SYT1: variants seen among roughly 807,000 people sequenced by gnomAD.
SYT1 encodes synaptotagmin 1.
SYT1 carries 8 observed loss-of-function variants against 44.8 expected under a neutral mutation model. That is an observed-to-expected ratio of 0.18 (90% CI 0.10 to 0.32). The LOEUF (loss-of-function observed/expected upper bound fraction) is 0.32, where lower values mean the gene tolerates loss of function less well. Ranked by LOEUF, SYT1 falls within the 10% of genes least tolerant of loss-of-function variation. The pLI is 1.00. For missense variants in SYT1, 286 were observed against 509.3 expected, an observed-to-expected ratio of 0.56 and a Z score of 4.22; for synonymous variants, 154 against 188.8, an observed-to-expected ratio of 0.82 and a Z score of 1.51.
intron 1 of SYT1, among the ~76,000 whole-genome samples, chr12:78,897,586 G>C (rs1565707424): frequency 6.6e-6 from 1 of 151,938 alleles, no homozygotes; most frequent in Non-Finnish European, 1.5e-5. Flanking sequence ...GTTTCACACT[G>C]ATACAAATTA....
Position 78,889,256 on chromosome 12 carries a change from G to A in SYT1, c.-217+24147G>A, listed in dbSNP as rs1006210031. Among the ~76,000 whole-genome samples the A allele has an allele frequency of 3.7e-4, 56 of 151,996 alleles. 1 individual carries two copies. Among genetic ancestry groups the A allele is most frequent in the African/African-American group, 1.3e-3 (55 of 41,492 alleles). On this transcript the variant is annotated intron_variant, in intron 1 of 10. Coordinates refer to ENST00000261205, the MANE Select transcript of SYT1 (RefSeq NM_005639.3). ...TCTGAAATTTTATACAAAATGTGGT[G>A]TATACATTTGCATATGCATTTTTCT...
chr12:79,230,311 T>C (rs1875795650), intron 4 of SYT1, among the ~76,000 whole-genome samples: 1 of 152,200 alleles, frequency 6.6e-6, no homozygotes, highest in Admixed American at 6.5e-5. Flanking sequence ...AAACATGCTT[T>C]TTAGTATTAC....
intron 3 of SYT1, among the ~76,000 whole-genome samples, chr12:79,203,651 C>G (rs1396010230): frequency 6.6e-6 from 1 of 152,066 alleles, no homozygotes; most frequent in East Asian, 1.9e-4. Flanking sequence ...GGGGTTTTAT[C>G]TTAAATTGAA....
intron 3 of SYT1, among the ~76,000 whole-genome samples, chr12:79,111,930 T>G (rs770145847): frequency 3.5e-4 from 54 of 152,154 alleles, no homozygotes; most frequent in Admixed American, 5.9e-4. Flanking sequence ...AACTTTTCAT[T>G]TCAACTTAAC....
chr12:79,087,339 A>T (rs1877452459), intron 3 of SYT1, among the ~76,000 whole-genome samples: 1 of 152,164 alleles, frequency 6.6e-6, no homozygotes, highest in African/African-American at 2.4e-5. Context: ...TAATCTAAAT[A>T]GGACATTTAT....
intron 1 of SYT1, among the ~76,000 whole-genome samples, chr12:78,924,731 C>G (rs1484727086): frequency 6.6e-6 from 1 of 150,528 alleles, no homozygotes; most frequent in African/African-American, 2.4e-5. Flanking sequence ...CTCCTTCAAG[C>G]TAGCTTCTAC....
At chr12:79,403,383 A>G (rs1885137013) in intron 9 of SYT1, among the ~76,000 whole-genome samples, 1 of 152,200 alleles carries the variant, frequency 6.6e-6, no homozygotes, top group South Asian at 2.1e-4. Context: ...CTGGAGACCC[A>G]GGAAATACTT....
intron 3 of SYT1, among the ~76,000 whole-genome samples, chr12:79,149,965 G>A (rs1433310599): frequency 2.0e-5 from 3 of 152,068 alleles, no homozygotes; most frequent in Non-Finnish European, 4.4e-5. Flanking sequence ...ATGAATGAAA[G>A]GTCTGAAACG....
intron 1 of SYT1, among the ~76,000 whole-genome samples, chr12:78,923,670 C>G (rs1406059927): frequency 1.3e-5 from 2 of 151,594 alleles, no homozygotes; most frequent in Non-Finnish European, 2.9e-5. Context: ...TTTCTGAACT[C>G]TCTCTCCACC....
At chr12:79,181,905 A>G (rs768581052) in intron 3 of SYT1, among the ~76,000 whole-genome samples, 31 of 151,748 alleles carry the variant, frequency 2.0e-4, no homozygotes, top group Non-Finnish European at 5.9e-5. Flanking sequence ...CTCCTAGACA[A>G]CCCCACCCCT....
At chr12:79,015,957 G>C (rs1326696794) in intron 2 of SYT1, among the ~76,000 whole-genome samples, 1 of 152,128 alleles carries the variant, frequency 6.6e-6, no homozygotes, top group African/African-American at 2.4e-5. Flanking sequence ...TGAAAACAAA[G>C]TGTAATGAGC....
At chr12:79,255,112 C>G (rs1173965160) in intron 4 of SYT1, among the ~76,000 whole-genome samples, 2 of 152,138 alleles carry the variant, frequency 1.3e-5, no homozygotes, top group Non-Finnish European at 2.9e-5. Flanking sequence ...CAAACAGTAT[C>G]ACAGGCTGCA....
At chr12:79,094,399 T>A (rs990961661) in intron 3 of SYT1, among the ~76,000 whole-genome samples, 8 of 151,900 alleles carry the variant, frequency 5.3e-5, no homozygotes, top group African/African-American at 1.9e-4. Flanking sequence ...ATTTAATTCA[T>A]AAGAACAAAT....
chr12:79,250,467 A>T (rs762630533), intron 4 of SYT1, among the ~76,000 whole-genome samples: 5 of 152,210 alleles, frequency 3.3e-5, no homozygotes, highest in Non-Finnish European at 7.3e-5. Context: ...ACCACTTAAA[A>T]TATTTCAAAT....
At chr12:79,290,028 T>A (rs958698924) in intron 5 of SYT1, among the ~76,000 whole-genome samples, 2 of 152,164 alleles carry the variant, frequency 1.3e-5, no homozygotes, top group East Asian at 1.9e-4. Context: ...TAAGTCAACA[T>A]TTTAACATTC....
At chr12:78,941,806 A>G (rs61929234) in intron 1 of SYT1, among the ~76,000 whole-genome samples, 8,941 of 152,262 alleles carry the variant, frequency 0.059, 281 homozygotes, top group Admixed American at 0.089. Flanking sequence ...TGCCAAAAAC[A>G]CAAGGCATCC....
At chr12:79,027,964 T>C (rs1056832147) in intron 2 of SYT1, among the ~76,000 whole-genome samples, 2 of 151,528 alleles carry the variant, frequency 1.3e-5, no homozygotes, top group Non-Finnish European at 3.0e-5. Flanking sequence ...TTTGAACTTG[T>C]CTGTCTCTTT....
intron 8 of SYT1, among the ~76,000 whole-genome samples, chr12:79,311,911 T>C (rs1170135135): frequency 6.8e-6 from 1 of 146,376 alleles, no homozygotes; most frequent in Non-Finnish European, 1.5e-5. Context: ...GAGATATACC[T>C]AATGCTAAAT....
rs201614761 is a variant in SYT1, at chr12:78,974,410, AATTATT to A, written c.-216-3379_-216-3374del. The stretch of plus-strand genomic sequence containing the variant: ...TCTACTAAACATCAGGTCTTCCGAA[AATTATT>A]ATTATTATTTTATTTTTATTTATTT... On this transcript the variant is annotated intron_variant, in intron 1 of 10. Transcript: ENST00000261205. 4.3e-3 allele frequency among the ~76,000 whole-genome samples: 647 copies of A among 151,850 alleles called. 5 individuals carry two copies. The highest frequency in any genetic ancestry group is 0.015 in the African/African-American group (601 of 41,446).
Sources: allele counts gnomAD v4.1 joint callset (sites outside exome capture counted in the v4.1 genomes callset), GRCh38; gene constraint gnomAD v4.1.1; transcripts MANE v1.5; gene names NCBI Gene and HGNC (gene_info 2026-07-23, HGNC 2026-07-21).